Variants in GABRG3 observed in about 807,000 individuals in gnomAD.
GABRG3 encodes the protein gamma-aminobutyric acid receptor subunit gamma-3.
Under a neutral mutation model 48.8 loss-of-function variants are expected in GABRG3, and 25 were observed. The ratio of observed to expected loss-of-function variants is 0.51; its 90% CI spans 0.37 to 0.72. The LOEUF (loss-of-function observed/expected upper bound fraction) is 0.72. GABRG3 is among the 30% of genes least tolerant of loss of function. GABRG3 has a pLI of 0.00. For missense variants in GABRG3, 394 were observed against 577.9 expected (o/e 0.68, Z 3.26); for synonymous variants, 227 against 217.6 (o/e 1.04, Z -0.38).
At position 27,480,355 on chromosome 15, in the gene GABRG3, G is replaced by A. The variant is rs762580215; in HGVS notation, c.575-295G>A. The stretch of plus-strand genomic sequence containing the variant: ...GCACCTCCACTCCTCGAAGGCCGAC[G>A]GCAGCTGTGGCTCTCCAAGGTTGAA... On this transcript the variant is annotated intron_variant, in intron 5 of 9. Transcript: ENST00000615808. Among the ~76,000 whole-genome samples, 12 of 152,178 alleles carry A rather than the reference G, an allele frequency of 7.9e-5. No homozygotes were observed. The East Asian group carries it at 1.9e-3, about 24-fold the overall frequency.
chr15:27,018,990 C>T (rs549923843), intron 2 of GABRG3, among the ~76,000 whole-genome samples: 33 of 146,932 alleles, frequency 2.2e-4, no homozygotes, highest in South Asian at 8.7e-4. Context: ...TTATTTGTCA[C>T]GATAATCATG....
At chr15:27,359,619 A>C (rs1445554147) in intron 5 of GABRG3, among the ~76,000 whole-genome samples, 1 of 152,236 alleles carries the variant, frequency 6.6e-6, no homozygotes, top group Non-Finnish European at 1.5e-5. Context: ...AACAGAACAT[A>C]AAATTAAATA....
chr15:27,325,103 T>C (rs952427838), intron 3 of GABRG3, among the ~76,000 whole-genome samples: 1 of 129,204 alleles, frequency 7.7e-6, no homozygotes, highest in Non-Finnish European at 1.6e-5. Flanking sequence ...CAATGCTACC[T>C]GCTTTCGTTT....
chr15:27,509,653 C>T (rs8030197), intron 6 of GABRG3, among the ~76,000 whole-genome samples: 90,887 of 151,988 alleles, frequency 0.6, 27,900 homozygotes, highest in African/African-American at 0.72. Flanking sequence ...TGCTTAACCT[C>T]TCTTACTACA....
In GABRG3 at chr15:27,539,390, A is replaced by C. The variant is rs940849983; in HGVS notation, c.*6509A>C. ...TGGGAACATGTGCCTGTGCCCACCC[A>C]CAGCACTTCCTTGGAACTCTAAGCT... is the stretch of plus-strand genomic sequence containing the variant. On this transcript the variant is annotated 3_prime_UTR_variant, in exon 10 of 10. Transcript: ENST00000615808. The C allele has an allele frequency of 1.3e-5, 2 of 152,184 alleles. No individual in the cohort carries two copies. The highest frequency in any genetic ancestry group is 1.3e-4 in the Admixed American group (2 of 15,284). The allele number at this position is 152,184 out of a possible 1,614,324, so 9.4% of individuals were successfully genotyped here.
intron 5 of GABRG3, among the ~76,000 whole-genome samples, chr15:27,478,021 T>G (rs2150843637): frequency 6.8e-6 from 1 of 146,988 alleles, no homozygotes; most frequent in African/African-American, 2.5e-5. Flanking sequence ...CTCCACAGCC[T>G]GGGTGACAGA....
At chr15:27,173,705 CAAAAAAA>C (rs199674664) in intron 3 of GABRG3, among the ~76,000 whole-genome samples, 48 of 73,336 alleles carry the variant, frequency 6.5e-4, no homozygotes, top group East Asian at 3.4e-3. Context: ...CTATCGCTGC[CAAAAAAA>C]AAAAAAAAAA....
chr15:27,191,547 C>G (rs1888306052), intron 3 of GABRG3, among the ~76,000 whole-genome samples: 1 of 152,104 alleles, frequency 6.6e-6, no homozygotes, highest in African/African-American at 2.4e-5. Flanking sequence ...ATTGCAACCC[C>G]TGCCTTTTTT....
intron 5 of GABRG3, among the ~76,000 whole-genome samples, chr15:27,351,142 G>T (rs377622143): frequency 7.5e-5 from 11 of 145,814 alleles, no homozygotes; most frequent in African/African-American, 2.8e-4. Context: ...TTTGAGTATG[G>T]TGTGTGTGTA....
Position 27,216,552 on chromosome 15 carries a change from C to T in GABRG3, c.271-110257C>T, listed in dbSNP as rs373192917. ...GCTTATTCTGACATTTACCTCCATC[C>T]GTGTGTTTTTAAGGCAAATCCACCG... On this transcript the variant is annotated intron_variant, in intron 3 of 9. Coordinates refer to ENST00000615808, the MANE Select transcript of GABRG3 (RefSeq NM_033223.5). 8.6e-4 allele frequency among the ~76,000 whole-genome samples: 131 copies of T among 152,160 alleles called. 1 individual carries two copies. The Middle Eastern group carries it at 0.01, about 12-fold the overall frequency.
chr15:27,286,434 A>G (rs1160348240), intron 3 of GABRG3, among the ~76,000 whole-genome samples: 1 of 152,222 alleles, frequency 6.6e-6, no homozygotes, highest in Non-Finnish European at 1.5e-5. Flanking sequence ...AAGGAGTGAT[A>G]CAGGGACTTC....
intron 3 of GABRG3, among the ~76,000 whole-genome samples, chr15:27,279,203 A>G (rs1025249503): frequency 7.2e-5 from 11 of 152,160 alleles, no homozygotes; most frequent in African/African-American, 2.4e-4. Flanking sequence ...ATTTTCTCTT[A>G]GTTTGTAGAC....
intron 5 of GABRG3, among the ~76,000 whole-genome samples, chr15:27,439,398 G>T (rs1035513778): frequency 1.3e-5 from 2 of 152,186 alleles, no homozygotes; most frequent in Non-Finnish European, 2.9e-5. Flanking sequence ...CTCATTTCCA[G>T]TAGATAATAC....
At chr15:27,083,929 C>A (rs1164826607) in intron 3 of GABRG3, among the ~76,000 whole-genome samples, 1 of 152,202 alleles carries the variant, frequency 6.6e-6, no homozygotes, top group African/African-American at 2.4e-5. Flanking sequence ...CAACCTTTCC[C>A]TGTCTACATG....
intron 5 of GABRG3, among the ~76,000 whole-genome samples, chr15:27,354,102 G>A (rs141247454): frequency 1.3e-3 from 195 of 152,292 alleles, no homozygotes; most frequent in Non-Finnish European, 2.2e-3. Context: ...CGACTAAGAA[G>A]CTGGATGCCT....
At position 27,220,374 on chromosome 15, in the gene GABRG3, G is replaced by T. The variant is rs548100381; in HGVS notation, c.271-106435G>T. On this transcript the variant is annotated intron_variant, in intron 3 of 9. Transcript: ENST00000615808. ...GCTGACCTTAACATATGGTAGTTAG[G>T]ATAAGGAACCCTGGTGATTGTCATG... 4.5e-4 allele frequency among the ~76,000 whole-genome samples: 68 copies of T among 152,238 alleles called. 1 individual carries two copies. Among genetic ancestry groups the T allele is most frequent in the South Asian group, 6.2e-4 (3 of 4,822 alleles).
At chr15:27,050,692 A>G (rs866976714) in intron 3 of GABRG3, among the ~76,000 whole-genome samples, 1 of 152,124 alleles carries the variant, frequency 6.6e-6, no homozygotes, top group Admixed American at 6.5e-5. Context: ...TTCCAAGTGG[A>G]TGACAATAAG....
chr15:27,091,736 C>T (rs554061380), intron 3 of GABRG3, among the ~76,000 whole-genome samples: 8 of 152,164 alleles, frequency 5.3e-5, no homozygotes, highest in Non-Finnish European at 1.0e-4. Context: ...AACCAACAAA[C>T]GTGGTTCCTT....
chr15:27,300,301 C>T (rs951092924), intron 3 of GABRG3, among the ~76,000 whole-genome samples: 2 of 152,168 alleles, frequency 1.3e-5, no homozygotes, highest in African/African-American at 2.4e-5. Context: ...AGAACAGACT[C>T]AACAGACACC....
Sources: allele counts gnomAD v4.1 joint callset (sites outside exome capture counted in the v4.1 genomes callset), GRCh38; gene constraint gnomAD v4.1.1; transcripts MANE v1.5; gene names NCBI Gene and HGNC (gene_info 2026-07-23, HGNC 2026-07-21).